Variants in FOLH1 observed in about 807,000 individuals in gnomAD.
FOLH1 encodes the protein folate hydrolase 1.
Under a neutral mutation model 93.9 loss-of-function variants are expected in FOLH1, and 54 were observed. That is an observed-to-expected ratio of 0.57 (90% CI 0.46 to 0.72). The LOEUF (loss-of-function observed/expected upper bound fraction) is 0.72. Ranked by LOEUF, FOLH1 falls within the 30% of genes least tolerant of loss-of-function variation. The pLI is 0.00. For missense variants in FOLH1, 571 were observed against 892.5 expected, an observed-to-expected ratio of 0.64 and a Z score of 4.59; for synonymous variants, 249 against 303.6, an observed-to-expected ratio of 0.82 and a Z score of 1.87.
intron 3 of FOLH1, among the ~76,000 whole-genome samples, chr11:49,196,315 A>G (rs1007004825): frequency 5.3e-5 from 8 of 152,198 alleles, no homozygotes; most frequent in Non-Finnish European, 1.0e-4. Flanking sequence ...ATTACAACCA[A>G]TAAAGAAATT....
intron 7 of FOLH1, among the ~76,000 whole-genome samples, chr11:49,177,420 AAAG>A (rs1259208711): frequency 6.6e-6 from 1 of 152,186 alleles, no homozygotes; most frequent in Non-Finnish European, 1.5e-5. Context: ...AAAGGCAAGT[AAAG>A]AATATACATA....
At chr11:49,170,669 C>A (rs1202081256) in intron 11 of FOLH1, among the ~76,000 whole-genome samples, 1 of 152,116 alleles carries the variant, frequency 6.6e-6, no homozygotes, top group East Asian at 1.9e-4. Flanking sequence ...AGAAATCAAA[C>A]ATGATACAGG....
At chr11:49,206,846 G>C (rs879115996) in intron 1 of FOLH1, 1 of 1,505,414 alleles carries the variant, frequency 6.6e-7, no homozygotes, top group African/African-American at 1.4e-5. Context: ...AGATCCTGCA[G>C]TCATTAGACC....
At chr11:49,165,450 G>A (rs1052898263) in intron 12 of FOLH1, among the ~76,000 whole-genome samples, 2 of 152,186 alleles carry the variant, frequency 1.3e-5, no homozygotes, top group Non-Finnish European at 2.9e-5. Context: ...GAGGGGGCTG[G>A]TGGTTGTGAC....
rs147500653 is a variant in FOLH1, at chr11:49,154,295, A to G, written c.1821T>C (p.Tyr607=). 36 of 1,613,502 alleles carry G rather than the reference A, an allele frequency of 2.2e-5. No individual in the cohort carries two copies. The highest frequency in any genetic ancestry group is 3.0e-5 in the Non-Finnish European group (35 of 1,179,612). The change falls in exon 16 of 19, where the codon TAT becomes TAC. Residue 607 remains tyrosine (Y), a synonymous_variant. Transcript: ENST00000256999. ...CRDYAVVLRK[Y]ADKIYSISMK... is the part of the protein sequence containing the mutation. The stretch of plus-strand genomic sequence containing the variant: ...TAGAAATACTGTAGATTTTGTCAGC[A>G]TACTTTCTTAAAACTACAGCATAAT...
intron 7 of FOLH1, among the ~76,000 whole-genome samples, chr11:49,182,328 CAAAAAAAAAA>C (rs59966842): frequency 6.7e-5 from 4 of 59,978 alleles, no homozygotes; most frequent in Non-Finnish European, 8.4e-5. Context: ...GACACTGTCT[CAAAAAAAAAA>C]AAAAAAAAAA....
chr11:49,160,632 C>T (rs1384449537), intron 13 of FOLH1, among the ~76,000 whole-genome samples: 8 of 151,900 alleles, frequency 5.3e-5, no homozygotes, highest in Admixed American at 3.3e-4. Context: ...TTAGTAGAGA[C>T]GGGGTTTCAC....
chr11:49,193,974 A>G (rs887331062), intron 3 of FOLH1, among the ~76,000 whole-genome samples: 31 of 152,110 alleles, frequency 2.0e-4, no homozygotes, highest in Admixed American at 1.6e-3. Flanking sequence ...CCTGACCAAC[A>G]TGGTGAAACC....
intron 13 of FOLH1, among the ~76,000 whole-genome samples, chr11:49,163,522 G>A (rs1011614698): frequency 1.6e-5 from 2 of 126,028 alleles, no homozygotes; most frequent in Non-Finnish European, 3.2e-5. Flanking sequence ...CCACCCAAGA[G>A]CTCTTTCCCA....
intron 12 of FOLH1, among the ~76,000 whole-genome samples, chr11:49,168,966 G>T (rs1157743896): frequency 6.6e-6 from 1 of 151,866 alleles, no homozygotes; most frequent in Non-Finnish European, 1.5e-5. Context: ...AGAAAGAAAA[G>T]AAAAGAGAAA....
intron 13 of FOLH1, among the ~76,000 whole-genome samples, chr11:49,160,246 A>AT (rs1857538206): frequency 6.6e-6 from 1 of 151,748 alleles, no homozygotes; most frequent in Non-Finnish European, 1.5e-5. Context: ...TTAGCACTCT[A>AT]TTTTTTATTA....
At chr11:49,194,859 C>G (rs564810130) in intron 3 of FOLH1, among the ~76,000 whole-genome samples, 1 of 151,888 alleles carries the variant, frequency 6.6e-6, no homozygotes, top group South Asian at 2.1e-4. Flanking sequence ...ATCAACAATT[C>G]TGTTTATATA....
rs1341747073 is a variant in FOLH1, at chr11:49,155,276, T to C, written c.1624-784A>G. Among the ~76,000 whole-genome samples, 5 of 152,192 alleles carry C rather than the reference T, an allele frequency of 3.3e-5. No individual in the cohort carries two copies. In the East Asian group the frequency reaches 9.7e-4, roughly 29 times the overall value. ...GTCATTTGACTTTTCTTTGTTGTAA[T>C]TTTTTCGTAGTAAAATGTAGACAAT... On this transcript the variant is annotated intron_variant, in intron 15 of 18. Transcript: ENST00000256999.
intron 15 of FOLH1, among the ~76,000 whole-genome samples, chr11:49,155,224 A>G (rs950069899): frequency 1.3e-5 from 2 of 152,146 alleles, no homozygotes; most frequent in African/African-American, 2.4e-5. Flanking sequence ...TCTAGGCTTC[A>G]GGACTTACTA....
chr11:49,166,039 C>T (rs1475657286), intron 12 of FOLH1, among the ~76,000 whole-genome samples: 1 of 152,112 alleles, frequency 6.6e-6, no homozygotes, highest in Non-Finnish European at 1.5e-5. Context: ...ATAATATTAA[C>T]CACAACAAAC....
chr11:49,192,081 A>C (rs1222784592), intron 4 of FOLH1, among the ~76,000 whole-genome samples: 2 of 152,152 alleles, frequency 1.3e-5, no homozygotes, highest in African/African-American at 4.8e-5. Flanking sequence ...TTTAAAGTAT[A>C]TTTTATATTT....
intron 11 of FOLH1, among the ~76,000 whole-genome samples, chr11:49,169,678 G>C (rs1173780670): frequency 6.6e-6 from 1 of 152,150 alleles, no homozygotes; most frequent in Non-Finnish European, 1.5e-5. Context: ...TATTTTAAGT[G>C]TATGAAATTT....
intron 3 of FOLH1, among the ~76,000 whole-genome samples, chr11:49,195,615 G>A (rs1221854009): frequency 2.0e-5 from 3 of 151,870 alleles, no homozygotes; most frequent in African/African-American, 4.8e-5. Context: ...GATTGCCAAA[G>A]CCAAAGTTTA....
chr11:49,166,745 T>TGGTGC (rs1858458619), intron 12 of FOLH1, among the ~76,000 whole-genome samples: 1 of 149,512 alleles, frequency 6.7e-6, no homozygotes, highest in Non-Finnish European at 1.5e-5. Flanking sequence ...ACAAGTGAGA[T>TGGTGC]GAATGGTGTC....
Sources: allele counts gnomAD v4.1 joint callset (sites outside exome capture counted in the v4.1 genomes callset), GRCh38; gene constraint gnomAD v4.1.1; transcripts MANE v1.5; gene names NCBI Gene and HGNC (gene_info 2026-07-23, HGNC 2026-07-21).